The following NELL2 variants were observed in gnomAD, a reference collection of about 807,000 sequenced individuals.
NELL2 encodes protein kinase C-binding protein NELL2.
Under a neutral mutation model 109.6 loss-of-function variants are expected in NELL2, and 41 were observed. The observed-to-expected ratio is 0.37, with a 90% confidence interval of 0.29 to 0.49. NELL2 has a LOEUF of 0.49. NELL2 is among the 20% of genes least tolerant of loss of function. The pLI is 0.98. For missense variants in NELL2, 900 were observed against 1,008.3 expected, an observed-to-expected ratio of 0.89 and a Z score of 1.45; for synonymous variants, 355 against 344.7, an observed-to-expected ratio of 1.03 and a Z score of -0.33.
chr12:44,800,395 A>G (rs1942788099), intron 3 of NELL2, among the ~76,000 whole-genome samples: 1 of 152,160 alleles, frequency 6.6e-6, no homozygotes, highest in Admixed American at 6.6e-5. Flanking sequence ...GAGAGTCCCC[A>G]AGAGAATACA....
chr12:44,665,788 T>G (rs563008829), intron 12 of NELL2, among the ~76,000 whole-genome samples, 179 bp from the exon 13 acceptor site: 1 of 152,238 alleles, frequency 6.6e-6, no homozygotes, highest in Non-Finnish European at 1.5e-5. Context: ...CATGAGTTTT[T>G]TTCCAACAGC....
intron 15 of NELL2, among the ~76,000 whole-genome samples, chr12:44,565,283 T>G (rs1323950220): frequency 1.3e-5 from 2 of 152,174 alleles, no homozygotes; most frequent in Non-Finnish European, 2.9e-5. Flanking sequence ...TATCTAATCT[T>G]ACTAATTCAC....
At chr12:44,685,056 T>C (rs1365539513) in intron 12 of NELL2, among the ~76,000 whole-genome samples, 1 of 152,038 alleles carries the variant, frequency 6.6e-6, no homozygotes, top group Non-Finnish European at 1.5e-5. Flanking sequence ...GGAGTCTAAG[T>C]CTCTTTGTAG....
rs150315835 is a variant in NELL2 at position 44,609,780 on chromosome 12, T to A, written c.1567+1068A>T. Among the ~76,000 whole-genome samples, 106 of 152,170 alleles carry A rather than the reference T, an allele frequency of 7.0e-4. 1 individual carries two copies. Among genetic ancestry groups the A allele is most frequent in the Admixed American group, 3.7e-3 (56 of 15,272 alleles). On this transcript the variant is annotated intron_variant, in intron 14 of 19. Coordinates refer to ENST00000429094, the MANE Select transcript of NELL2 (RefSeq NM_001145108.2). ...GACCAGGCCTTAAGAACCATCCTTA[T>A]AAGACACTGCGTTAACAACTATTCC...
intron 2 of NELL2, among the ~76,000 whole-genome samples, chr12:44,849,373 C>A (rs766839355): frequency 1.3e-5 from 2 of 152,048 alleles, no homozygotes; most frequent in Non-Finnish European, 2.9e-5. Context: ...TTTAGAACAA[C>A]TAAATGGACA....
chr12:44,886,146 A>AG (rs1402494644), intron 1 of NELL2, among the ~76,000 whole-genome samples: 37 of 148,152 alleles, frequency 2.5e-4, no homozygotes, highest in African/African-American at 8.2e-4. Flanking sequence ...GAAGGAAGGA[A>AG]GAAAGGGAGA....
Position 44,804,676 on chromosome 12 carries a change from T to C in NELL2, c.335+11310A>G, listed in dbSNP as rs554102625. 5.3e-3 allele frequency among the ~76,000 whole-genome samples: 799 copies of C among 151,934 alleles called. 7 individuals are homozygous for C. Among genetic ancestry groups the C allele is most frequent in the African/African-American group, 0.018 (757 of 41,510 alleles). The stretch of plus-strand genomic sequence containing the variant: ...GTATTTGTGAAGTTTCACATTGACA[T>C]GAAAAGACAAAAAGAGATGTATTGT... On this transcript the variant is annotated intron_variant, in intron 3 of 19. Coordinates refer to ENST00000429094, the MANE Select transcript of NELL2 (RefSeq NM_001145108.2).
intron 18 of NELL2, 107 bp from the exon 19 acceptor site, chr12:44,520,336 G>C (rs1941473180): frequency 5.1e-6 from 4 of 788,766 alleles, no homozygotes; most frequent in Non-Finnish European, 8.1e-6. Context: ...TCAATTATTT[G>C]ATTGATATTT....
chr12:44,648,731 ATTTTTT>A (rs71459072), intron 13 of NELL2, among the ~76,000 whole-genome samples: 2,075 of 89,652 alleles, frequency 0.023, 33 homozygotes, highest in African/African-American at 0.069. Context: ...ATATATATAT[ATTTTTT>A]TTTTTTTTTT....
chr12:44,532,797 C>T (rs1942140247), intron 15 of NELL2, 76 bp from the exon 16 acceptor site: 2 of 1,408,412 alleles, frequency 1.4e-6, no homozygotes, highest in Non-Finnish European at 1.9e-6. Flanking sequence ...TACAAGGCTA[C>T]TAAAATTTTT....
chr12:44,640,155 T>C (rs912710761), intron 13 of NELL2, among the ~76,000 whole-genome samples: 1 of 152,172 alleles, frequency 6.6e-6, no homozygotes, highest in Non-Finnish European at 1.5e-5. Context: ...TTCACAAATA[T>C]AAATGGGTTA....
chr12:44,557,539 C>T (rs1422542341), intron 15 of NELL2, among the ~76,000 whole-genome samples: 1 of 152,092 alleles, frequency 6.6e-6, no homozygotes, highest in Non-Finnish European at 1.5e-5. Context: ...ATCTACAAGA[C>T]TTGGTGACTA....
chr12:44,706,211 A>C (rs762787911), intron 11 of NELL2, among the ~76,000 whole-genome samples: 1 of 152,202 alleles, frequency 6.6e-6, no homozygotes, highest in African/African-American at 2.4e-5. Flanking sequence ...TGAAAAATTA[A>C]AATTTCAGTC....
intron 2 of NELL2, among the ~76,000 whole-genome samples, chr12:44,834,977 G>A (rs747700897): frequency 3.3e-5 from 5 of 152,184 alleles, no homozygotes; most frequent in African/African-American, 7.2e-5. Flanking sequence ...AAGAAGGGCA[G>A]GGCTGGGACA....
chr12:44,653,083 G>A (rs984346025), intron 13 of NELL2, among the ~76,000 whole-genome samples: 1 of 152,134 alleles, frequency 6.6e-6, no homozygotes, highest in African/African-American at 2.4e-5. Context: ...ACGTAAGGTA[G>A]CATATTATTC....
rs1940840926 is a variant in NELL2, at chr12:44,508,744, A to C, written c.*190T>G. On this transcript the variant is annotated 3_prime_UTR_variant, in exon 20 of 20. Coordinates refer to ENST00000429094, the MANE Select transcript of NELL2 (RefSeq NM_001145108.2). ...ACAGTAGAGGCAGACTTGAGGTCTA[A>C]TTTTGCCCCAGTAATTTTCCTTTTG... 6.7e-6 allele frequency: 4 copies of C among 596,366 alleles called. No individual in the cohort carries two copies. Among genetic ancestry groups the C allele is most frequent in the Non-Finnish European group, 1.2e-5 (4 of 329,252 alleles). The allele number at this position is 596,366 out of a possible 1,614,324, so 36.9% of individuals were successfully genotyped here. A position where few individuals can be genotyped will look rare whatever the true frequency, so the allele number is the denominator to read the frequency against.
chr12:44,710,381 C>T (rs894775492), intron 11 of NELL2, among the ~76,000 whole-genome samples: 4 of 152,004 alleles, frequency 2.6e-5, no homozygotes, highest in East Asian at 1.9e-4. Flanking sequence ...GTTATAAGTA[C>T]CAGCTACATT....
intron 9 of NELL2, among the ~76,000 whole-genome samples, chr12:44,762,763 T>C (rs1386002503): frequency 2.0e-5 from 3 of 152,228 alleles, no homozygotes; most frequent in Non-Finnish European, 2.9e-5. Flanking sequence ...CAACATCTTT[T>C]TCTCAGGAAT....
At chr12:44,876,434 C>G (rs950821908), upstream of NELL2, 11 of 1,284,798 alleles carry the variant, frequency 8.6e-6, no homozygotes, top group African/African-American at 1.1e-4. Flanking sequence ...CGCTCAGCGT[C>G]GGTCTCCCGC....
Sources: allele counts gnomAD v4.1 joint callset (sites outside exome capture counted in the v4.1 genomes callset), GRCh38; gene constraint gnomAD v4.1.1; transcripts MANE v1.5; gene names NCBI Gene and HGNC (gene_info 2026-07-23, HGNC 2026-07-21).